The following LRRN2 variants were observed in gnomAD, a reference collection of about 807,000 sequenced individuals.
The protein encoded by LRRN2 is leucine-rich repeat neuronal protein 2.
LRRN2 carries 10 observed loss-of-function variants against 35.7 expected under a neutral mutation model. The ratio of observed to expected loss-of-function variants is 0.28; its 90% CI spans 0.17 to 0.47. The LOEUF (loss-of-function observed/expected upper bound fraction) is 0.47, where lower values mean the gene tolerates loss of function less well. Among genes scored for constraint, LRRN2 ranks in the 20% least tolerant of loss-of-function variants. The probability of loss-of-function intolerance (pLI) is 0.99; values close to 1 mark genes in which losing one functional copy is unlikely to be tolerated. For missense variants in LRRN2, 731 were observed against 940.3 expected (o/e 0.78, Z 2.91); for synonymous variants, 391 against 409.6 (o/e 0.95, Z 0.55).
chr1:204,618,423 C>T lies in LRRN2; in HGVS notation c.1570G>A (p.Asp524Asn), dbSNP rs1344424095. The change falls in exon 2 of 2, where the codon GAC (aspartate) becomes AAC (asparagine). Residue 524 changes from aspartate to asparagine, a missense_variant. Asp to Asn is a conservative substitution (Grantham distance 23, BLOSUM62 1). This residue lies in a region of LRRN2 where 229 missense variants were observed against 258.4 expected (regional missense o/e 0.89). Coordinates refer to ENST00000367177, the MANE Select transcript of LRRN2 (RefSeq NM_201630.2). ...VGRALLQPGR[D>N]EGQGLELRVQ... ...CGGAGCTCCAGCCCCTGTCCTTCGT[C>T]CCTGCCTGGCTGGAGGAGAGCACGG... 1 of 1,613,974 alleles carries T rather than the reference C, an allele frequency of 6.2e-7. No homozygotes were observed. The highest frequency in any genetic ancestry group is 8.5e-7 in the Non-Finnish European group (1 of 1,179,972).
intron 1 of LRRN2, among the ~76,000 whole-genome samples, chr1:204,630,455 TTGA>T (rs1474293851): frequency 9.2e-5 from 14 of 151,614 alleles, no homozygotes; most frequent in African/African-American, 3.4e-4. Flanking sequence ...AGAATGAAAA[TTGA>T]TGAGGCGGAG....
chr1:204,674,048 C>T (rs1668766640), intron 1 of LRRN2, among the ~76,000 whole-genome samples: 1 of 152,118 alleles, frequency 6.6e-6, no homozygotes, highest in African/African-American at 2.4e-5. Flanking sequence ...GCTGTCAGCC[C>T]CCCATGCCTG....
chr1:204,651,634 T>A (rs1435764459), intron 1 of LRRN2, among the ~76,000 whole-genome samples: 3 of 152,120 alleles, frequency 2.0e-5, no homozygotes, highest in African/African-American at 7.2e-5. Flanking sequence ...GCAAACCAGA[T>A]GGCTTGTCAC....
intron 1 of LRRN2, chr1:204,628,840 C>G (rs1452459776): frequency 6.6e-6 from 1 of 152,414 alleles, no homozygotes; most frequent in East Asian, 1.9e-4. Flanking sequence ...ACCAGCTCCT[C>G]CTGGCTTAGG....
At chr1:204,651,490 T>C (rs542232039) in intron 1 of LRRN2, among the ~76,000 whole-genome samples, 5 of 152,150 alleles carry the variant, frequency 3.3e-5, no homozygotes, top group South Asian at 2.1e-4. Flanking sequence ...TGGTGCTGTG[T>C]TAACTTGGGT....
At chr1:204,685,267 A>T (rs1387033963) in intron 1 of LRRN2, 53 bp downstream of exon 1, 1 of 152,164 alleles carries the variant, frequency 6.6e-6, no homozygotes, top group Non-Finnish European at 1.5e-5. Context: ...GGTGTCCACG[A>T]TTCCCCGGCG....
chr1:204,618,806 A>C lies in LRRN2; in HGVS notation c.1187T>G (p.Leu396Arg). 6.2e-7 allele frequency: 1 copy of C among 1,614,080 alleles called. No individual in the cohort carries two copies. ...RVRFIEPQST[L>R]CAEPPDLQRL... ...CTGGAGGTCCGGAGGCTCCGCACAC[A>C]GGGTGGATTGCGGCTCGATGAAGCG... The change falls in exon 2 of 2, where the codon CTG becomes CGG. Residue 396 changes from leucine to arginine, a missense_variant. Leu to Arg is a moderately radical substitution (Grantham distance 102). Coordinates refer to ENST00000367177, the MANE Select transcript of LRRN2 (RefSeq NM_201630.2).
At chr1:204,631,030 A>T (rs1041115119) in intron 1 of LRRN2, among the ~76,000 whole-genome samples, 1 of 151,462 alleles carries the variant, frequency 6.6e-6, no homozygotes, top group Non-Finnish European at 1.5e-5. Context: ...TAGTCTACGC[A>T]TCACCTGGAA....
At chr1:204,640,038 AT>A (rs1667945263) in intron 1 of LRRN2, among the ~76,000 whole-genome samples, 1 of 152,246 alleles carries the variant, frequency 6.6e-6, no homozygotes, top group Non-Finnish European at 1.5e-5. Context: ...AAATAGCTGG[AT>A]TTGCCATGGT....
At chr1:204,652,051 CAG>C (rs1333902957) in intron 1 of LRRN2, among the ~76,000 whole-genome samples, 15 of 152,352 alleles carry the variant, frequency 9.8e-5, no homozygotes, top group East Asian at 1.9e-4. Flanking sequence ...CAGCACACAA[CAG>C]GGGAAATTTT....
In LRRN2 at chr1:204,623,600, C is replaced by T. The variant is rs547078804; in HGVS notation, c.-226-3382G>A. Among the ~76,000 whole-genome samples the T allele has an allele frequency of 2.0e-5, 3 of 152,396 alleles. No individual in the cohort carries two copies. In the South Asian group the frequency reaches 6.2e-4, roughly 32 times the overall value. Reference sequence around the variant, plus strand: ...AGAGCTGCCCTCTCACCTGCCATCACCACCTAAGGCTGCCTTGCACATGGC... The same window carrying T: ...AGAGCTGCCCTCTCACCTGCCATCATCACCTAAGGCTGCCTTGCACATGGC... On this transcript the variant is annotated intron_variant, in intron 1 of 1. Coordinates refer to ENST00000367177, the MANE Select transcript of LRRN2 (RefSeq NM_201630.2).
chr1:204,673,799 G>A lies in LRRN2; in HGVS notation c.-227+11521C>T, dbSNP rs1040140337. On this transcript the variant is annotated intron_variant, in intron 1 of 1. Coordinates refer to ENST00000367177, the MANE Select transcript of LRRN2 (RefSeq NM_201630.2). ...TGCTAGGCTGGTTCTCCCCCTCCCT[G>A]CTTTTCCCCACTACCCAAGTGATCT... 5.3e-5 allele frequency among the ~76,000 whole-genome samples: 8 copies of A among 151,890 alleles called. No individual in the cohort carries two copies. In the East Asian group the frequency reaches 9.7e-4, roughly 18 times the overall value.
intron 1 of LRRN2, among the ~76,000 whole-genome samples, chr1:204,676,654 T>C (rs1668831316): frequency 6.6e-6 from 1 of 152,178 alleles, no homozygotes; most frequent in Non-Finnish European, 1.5e-5. Context: ...CTTATTTTCT[T>C]CCCTCGGTAT....
At chr1:204,634,558 T>C (rs564287617) in intron 1 of LRRN2, among the ~76,000 whole-genome samples, 44 of 152,184 alleles carry the variant, frequency 2.9e-4, no homozygotes, top group South Asian at 2.3e-3. Context: ...AAAAAAGCCA[T>C]GTGAAGACAG....
intron 1 of LRRN2, chr1:204,627,282 A>G (rs942425105): frequency 1.4e-4 from 21 of 152,402 alleles, no homozygotes; most frequent in African/African-American, 5.0e-4. Flanking sequence ...CCCCATCGCC[A>G]GCCCTTGCCA....
intron 1 of LRRN2, among the ~76,000 whole-genome samples, chr1:204,624,785 G>A (rs553524730): frequency 6.6e-6 from 1 of 150,886 alleles, no homozygotes; most frequent in Non-Finnish European, 1.5e-5. Flanking sequence ...AGGGTCCAGA[G>A]GGAGGGTGGC....
At chr1:204,657,168 G>C (rs1571668892) in intron 1 of LRRN2, among the ~76,000 whole-genome samples, 1 of 152,210 alleles carries the variant, frequency 6.6e-6, no homozygotes, top group Admixed American at 6.5e-5. Context: ...AGCCGGGTGT[G>C]GTGGTGCAGA....
chr1:204,640,759 C>T (rs1287651706), intron 1 of LRRN2, among the ~76,000 whole-genome samples: 2 of 152,118 alleles, frequency 1.3e-5, no homozygotes, highest in African/African-American at 2.4e-5. Context: ...GCAACAGCTG[C>T]GGCCACTAGG....
intron 1 of LRRN2, among the ~76,000 whole-genome samples, chr1:204,683,337 G>A (rs1045715595): frequency 2.0e-5 from 3 of 152,196 alleles, no homozygotes; most frequent in Non-Finnish European, 2.9e-5. Context: ...GACAGAGCCT[G>A]GGAAGAAAGG....
Sources: gnomAD v4.1 joint callset for allele counts (sites outside exome capture counted in the v4.1 genomes callset) on GRCh38, gnomAD v4.1.1 for gene constraint, gnomAD v4.1.1 regional missense constraint, MANE v1.5 for transcripts, NCBI Gene and HGNC (gene_info 2026-07-23, HGNC 2026-07-21) for gene names.